STOX2: variants seen among roughly 807,000 people sequenced by gnomAD.
STOX2 encodes storkhead box 2.
In STOX2, 28 loss-of-function variants were observed where a neutral mutation model predicts 60.9. That is an observed-to-expected ratio of 0.46 (90% CI 0.34 to 0.63). STOX2 has a LOEUF of 0.63. STOX2 is among the 30% of genes least tolerant of loss of function. The pLI is 0.01. For synonymous variants in STOX2, 472 were observed against 463.9 expected (o/e 1.02, Z -0.22); for missense variants, 1,024 against 1,187.7 (o/e 0.86, Z 2.03).
intron 1 of STOX2, chr4:183,987,747 C>T (rs1035049867): frequency 6.6e-6 from 1 of 152,260 alleles, no homozygotes; most frequent in African/African-American, 2.4e-5. Flanking sequence ...TGACGAGACC[C>T]AGGCTTGCAA....
intron 1 of STOX2, among the ~76,000 whole-genome samples, chr4:183,929,716 T>C (rs1318035501): frequency 1.3e-5 from 2 of 152,214 alleles, no homozygotes; most frequent in Admixed American, 6.5e-5. Flanking sequence ...AGCAGTATTG[T>C]ATGCTGAAGG....
intron 1 of STOX2, among the ~76,000 whole-genome samples, chr4:183,823,981 G>T (rs73010516): frequency 6.6e-6 from 1 of 152,114 alleles, no homozygotes; most frequent in Non-Finnish European, 1.5e-5. Flanking sequence ...TCCCAGATAC[G>T]CAGACATGTG....
At chr4:183,971,740 T>C (rs1743748915) in intron 1 of STOX2, among the ~76,000 whole-genome samples, 1 of 152,190 alleles carries the variant, frequency 6.6e-6, no homozygotes, top group African/African-American at 2.4e-5. Context: ...TAAAAGTAAG[T>C]CTTTATAAAA....
intron 1 of STOX2, among the ~76,000 whole-genome samples, chr4:183,844,425 A>G (rs1739940410): frequency 6.6e-6 from 1 of 152,186 alleles, no homozygotes; most frequent in Non-Finnish European, 1.5e-5. Context: ...ATCCTTTTAT[A>G]TTAAAAATAT....
intron 1 of STOX2, among the ~76,000 whole-genome samples, chr4:183,929,886 C>T (rs575296358): frequency 4.1e-4 from 59 of 142,512 alleles, no homozygotes; most frequent in Middle Eastern, 3.5e-3. Context: ...TTCTTTGAGA[C>T]GGAGTCTCAC....
At chr4:183,907,050 T>C (rs1741639923) in intron 1 of STOX2, 94 bp downstream of exon 1, 1 of 1,077,906 alleles carries the variant, frequency 9.3e-7, no homozygotes, top group African/African-American at 1.6e-5. Context: ...GGACGGGCAG[T>C]GATGGATGCG....
At position 183,973,307 on chromosome 4, in the gene STOX2, A is replaced by G. The variant is rs937539130; in HGVS notation, c.167-28018A>G. On this transcript the variant is annotated intron_variant, in intron 1 of 3. Coordinates refer to ENST00000308497, the MANE Select transcript of STOX2 (RefSeq NM_020225.3). Reference sequence around the variant, plus strand: ...TGTTGAAAACTAAAGAGAGAAAAATATTGAAAGCAAATAGGGAAAAATGCT... The same window carrying G: ...TGTTGAAAACTAAAGAGAGAAAAATGTTGAAAGCAAATAGGGAAAAATGCT... Among the ~76,000 whole-genome samples the G allele has an allele frequency of 2.0e-5, 3 of 152,218 alleles. No homozygotes were observed. The East Asian group carries it at 5.8e-4, about 29-fold the overall frequency.
rs7691358 is a variant in STOX2, at chr4:183,818,241, C to T, written c.364+20186C>T. On this transcript the variant is annotated intron_variant, in intron 1 of 2. Coordinates refer to the STOX2 transcript ENST00000513034. ...TGGTTTTCCTAGGCAGAGGACCCTG[C>T]GGCCTTCCTCAGTGTTTGTGTCCCT... Among the ~76,000 whole-genome samples the T allele has an allele frequency of 3.1e-4, 47 of 151,664 alleles. 1 individual carries two copies. In the East Asian group the frequency reaches 8.5e-3, roughly 27 times the overall value.
At chr4:183,844,957 G>A (rs971910906) in intron 1 of STOX2, among the ~76,000 whole-genome samples, 2 of 152,194 alleles carry the variant, frequency 1.3e-5, no homozygotes, top group Non-Finnish European at 2.9e-5. Flanking sequence ...ATCTCATGAA[G>A]CAGATGTTGG....
intron 1 of STOX2, among the ~76,000 whole-genome samples, chr4:183,899,664 C>A (rs1397733011): frequency 6.6e-6 from 1 of 152,144 alleles, no homozygotes; most frequent in Non-Finnish European, 1.5e-5. Flanking sequence ...TTGAAGCTAG[C>A]AGAGGTTGGT....
In STOX2 at chr4:184,011,712, C is replaced by T. The variant is rs538591844; in HGVS notation, c.2585+289C>T. The T allele has an allele frequency of 2.9e-5, 32 of 1,105,586 alleles. No individual in the cohort carries two copies. Among genetic ancestry groups the T allele is most frequent in the East Asian group, 7.7e-5 (2 of 25,938 alleles). The allele number at this position is 1,105,586 out of a possible 1,614,324, so 68.5% of individuals were successfully genotyped here. ...AATATTTCCAGTATTTTTTCTGCTA[C>T]GTTCATATTGCCACCCATGCTAAGA... On this transcript the variant is annotated intron_variant, in intron 3 of 3. Transcript: ENST00000308497. This position sits in a 1 kb window ranked among gnomAD's most constrained non-coding sequence, Gnocchi z 4.4.
chr4:183,868,461 G>A (rs1232785986), intron 1 of STOX2, among the ~76,000 whole-genome samples: 1 of 152,200 alleles, frequency 6.6e-6, no homozygotes, highest in Non-Finnish European at 1.5e-5. Context: ...CTCTATGTAT[G>A]AGTTGGATAA....
chr4:183,929,093 T>C (rs1426476555), intron 1 of STOX2, among the ~76,000 whole-genome samples: 2 of 152,210 alleles, frequency 1.3e-5, no homozygotes, highest in Non-Finnish European at 2.9e-5. Flanking sequence ...TCTTTAAAGA[T>C]ACAAGGCAGT....
At chr4:183,933,911 G>A (rs1057227103) in intron 1 of STOX2, among the ~76,000 whole-genome samples, 7 of 152,196 alleles carry the variant, frequency 4.6e-5, no homozygotes, top group African/African-American at 1.7e-4. Flanking sequence ...AATGGACAGA[G>A]AGAATAAAAA....
chr4:183,876,166 C>A (rs1225565915), intron 1 of STOX2, among the ~76,000 whole-genome samples: 2 of 152,204 alleles, frequency 1.3e-5, no homozygotes, highest in Non-Finnish European at 2.9e-5. Context: ...GACACCTGAA[C>A]CCTGTGTCTG....
intron 1 of STOX2, among the ~76,000 whole-genome samples, chr4:183,920,833 C>T (rs927810331): frequency 1.3e-5 from 2 of 152,176 alleles, no homozygotes; most frequent in African/African-American, 4.8e-5. Flanking sequence ...ATGTAGTGAA[C>T]ATCCCTGATT....
chr4:183,802,675 G>C (rs981032170), intron 1 of STOX2, among the ~76,000 whole-genome samples: 1 of 150,468 alleles, frequency 6.6e-6, no homozygotes, highest in Non-Finnish European at 1.5e-5. Flanking sequence ...GTGCGATCTC[G>C]GCTCATTGCA....
At chr4:183,915,776 G>A (rs933804460) in intron 1 of STOX2, among the ~76,000 whole-genome samples, 65 of 152,324 alleles carry the variant, frequency 4.3e-4, no homozygotes, top group Non-Finnish European at 7.2e-4. Context: ...ACCGGAGGCC[G>A]GGAGAGAGGC....
intron 1 of STOX2, among the ~76,000 whole-genome samples, chr4:183,841,557 T>C (rs1181253106): frequency 6.6e-6 from 1 of 152,178 alleles, no homozygotes; most frequent in Non-Finnish European, 1.5e-5. Context: ...GTGCGATTTC[T>C]TCCTCCATCT....
Sources: allele counts gnomAD v4.1 joint callset (sites outside exome capture counted in the v4.1 genomes callset), GRCh38; gene constraint gnomAD v4.1.1; non-coding constraint Gnocchi (gnomAD v3.1); transcripts MANE v1.5; gene names NCBI Gene and HGNC (gene_info 2026-07-23, HGNC 2026-07-21).